The following MYLK3 variants were observed in gnomAD, a reference collection of about 807,000 sequenced individuals.
MYLK3 encodes the protein MLC kinase.
In MYLK3, 55 loss-of-function variants were observed where a neutral mutation model predicts 76.3. The ratio of observed to expected loss-of-function variants is 0.72; its 90% CI spans 0.58 to 0.90. The LOEUF (loss-of-function observed/expected upper bound fraction) is 0.90. Ranked by LOEUF, MYLK3 falls within the 40% of genes least tolerant of loss-of-function variation. The pLI, the probability that MYLK3 is intolerant of heterozygous loss-of-function variation, is 0.00. For missense variants in MYLK3, 973 were observed against 1,053.6 expected (o/e 0.92, Z 1.06); for synonymous variants, 416 against 425.4 (o/e 0.98, Z 0.27).
At chr16:46,726,733 GAAAA>G in intron 8 of MYLK3, 2 of 130,118 alleles carry the variant, frequency 1.5e-5, no homozygotes, top group East Asian at 2.5e-4. Context: ...AAGAAAGAAA[GAAAA>G]GAAAGAGAGA....
chr16:46,743,215 A>C (rs1255725754), intron 1 of MYLK3, among the ~76,000 whole-genome samples: 1 of 152,228 alleles, frequency 6.6e-6, no homozygotes, highest in African/African-American at 2.4e-5. Flanking sequence ...AACCAAATGA[A>C]GTGCTGCTGG....
intron 3 of MYLK3, among the ~76,000 whole-genome samples, chr16:46,734,060 T>TA (rs1168105387): frequency 6.6e-6 from 1 of 152,170 alleles, no homozygotes; most frequent in African/African-American, 2.4e-5. Context: ...CTTCTGGGTA[T>TA]ATATCCCAGA....
rs370327693 is a variant in MYLK3, at chr16:46,740,536, C to CATATAT, written c.478-395_478-390dup. 1.2e-3 allele frequency among the ~76,000 whole-genome samples: 109 copies of CATATAT among 93,622 alleles called. 3 individuals carry two copies. The highest frequency in any genetic ancestry group is 4.0e-3 in the East Asian group (12 of 2,986). 61.4% of individuals were successfully genotyped at this position (93,622 alleles called of 152,430 possible). A position where few individuals can be genotyped will look rare whatever the true frequency, so the allele number is the denominator to read the frequency against. On this transcript the variant is annotated intron_variant, in intron 1 of 12. Coordinates refer to ENST00000394809, the MANE Select transcript of MYLK3 (RefSeq NM_182493.3). Reference sequence around the variant, plus strand: ...ATACATAAATATATATATATACATACATATATATATATATATTTTTTTTTT... The same window carrying CATATAT: ...ATACATAAATATATATATATACATACATATATATATATATATATATATTTTTTTTTT...
At chr16:46,725,215 G>A (rs561143715) in intron 8 of MYLK3, among the ~76,000 whole-genome samples, 22 of 152,230 alleles carry the variant, frequency 1.4e-4, no homozygotes, top group Middle Eastern at 3.4e-3. Context: ...TTATATACAA[G>A]AGCGTGTCAT....
At position 46,705,181 on chromosome 16, in the gene MYLK3, T is replaced by G. The variant is rs1966612302; in HGVS notation, c.*2523A>C. Reference sequence around the variant, plus strand: ...GTTACAGGACAAAAATCCTGAAAGGTAGTGAAACTGTTGCATGTCTAATTA... The same window carrying G: ...GTTACAGGACAAAAATCCTGAAAGGGAGTGAAACTGTTGCATGTCTAATTA... On this transcript the variant is annotated 3_prime_UTR_variant, in exon 13 of 13. Transcript: ENST00000394809. 6.6e-6 allele frequency: 1 copy of G among 152,242 alleles called. No homozygotes were observed. Among genetic ancestry groups the G allele is most frequent in the Non-Finnish European group, 1.5e-5 (1 of 68,056 alleles). The allele number at this position is 152,242 out of a possible 1,614,324, so 9.4% of individuals were successfully genotyped here.
At chr16:46,729,838 G>A (rs1966848917) in intron 5 of MYLK3, 151 bp from the exon 6 acceptor site, 1 of 663,766 alleles carries the variant, frequency 1.5e-6, no homozygotes, top group Non-Finnish European at 2.6e-6. Flanking sequence ...AAACCCTGCT[G>A]GCTATCCCGA....
rs777838012 is a variant in MYLK3 at position 46,732,248 on chromosome 16, C to T, written c.1422G>A (p.Arg474=). 6.9e-6 allele frequency: 11 copies of T among 1,600,526 alleles called. No individual in the cohort carries two copies. The highest frequency in any genetic ancestry group is 9.3e-6 in the Non-Finnish European group (11 of 1,177,430). The change falls in exon 4 of 13, where the codon AGG becomes AGA. Residue 474 remains arginine, a synonymous_variant. Coordinates refer to ENST00000394809, the MANE Select transcript of MYLK3 (RefSeq NM_182493.3). ...CAGCCTCGGCGCCTGGGGGCATCCT[C>T]CTTACTGCTTCAGCTCTCACCGGAG... is the stretch of plus-strand genomic sequence containing the variant. ...ARAPVRAEAV[R]RMPPGAEAGS...
In MYLK3 at chr16:46,737,728, A is replaced by G. The variant is rs749530849; in HGVS notation, c.984T>C (p.Gly328=). The change falls in exon 3 of 13, where the codon GGT becomes GGC. Residue 328 remains glycine (G), a synonymous_variant. Coordinates refer to ENST00000394809, the MANE Select transcript of MYLK3 (RefSeq NM_182493.3). The part of the protein sequence containing the change: ...LPAQARATHS[G]GETPPRISIH... The stretch of plus-strand genomic sequence containing the variant: ...CCCCTTACCTTGGAGGTGTTTCTCC[A>G]CCACTGTGGGTTGCCCTGGCCTGGG... 6.3e-7 allele frequency: 1 copy of G among 1,599,964 alleles called. No homozygotes were observed. The highest frequency in any genetic ancestry group is 1.1e-5 in the South Asian group (1 of 90,660).
At chr16:46,710,608 GC>G in intron 11 of MYLK3, 28 bp downstream of exon 11, 1 of 1,613,268 alleles carries the variant, frequency 6.2e-7, no homozygotes, top group Non-Finnish European at 8.5e-7. Context: ...CATCAGAAGG[GC>G]CCATGAGTGA....
At chr16:46,720,826 C>T (rs777961671) in intron 9 of MYLK3, among the ~76,000 whole-genome samples, 6 of 152,188 alleles carry the variant, frequency 3.9e-5, no homozygotes, top group Non-Finnish European at 7.3e-5. Flanking sequence ...ACTAAGCAGC[C>T]CAGCACCTCG....
chr16:46,712,373 G>A (rs1207482925), intron 10 of MYLK3, among the ~76,000 whole-genome samples: 1 of 151,344 alleles, frequency 6.6e-6, no homozygotes, highest in Non-Finnish European at 1.5e-5. Flanking sequence ...TTTGTTCCAG[G>A]GAATAATATC....
At position 46,702,688 on chromosome 16, in the gene MYLK3, G is replaced by A. The variant is rs767107809; in HGVS notation, c.*5016C>T. Among the ~76,000 whole-genome samples the A allele has an allele frequency of 5.9e-5, 9 of 152,240 alleles. No individual in the cohort carries two copies. Among genetic ancestry groups the A allele is most frequent in the South Asian group, 2.1e-4 (1 of 4,818 alleles). ...TGTAATCCCAGCACTTTGGGAGGCC[G>A]AGGTGGGCAGATCACGAGGTCAAGA... On this transcript the variant is annotated 3_prime_UTR_variant, in exon 13 of 13. Transcript: ENST00000394809.
At chr16:46,731,717 G>A (rs1470501835) in intron 4 of MYLK3, among the ~76,000 whole-genome samples, 3 of 152,134 alleles carry the variant, frequency 2.0e-5, no homozygotes, top group South Asian at 2.1e-4. Context: ...TCATGTCTTC[G>A]CTTTTTAACA....
rs57671045 is a variant in MYLK3 at position 46,742,447 on chromosome 16, AACACACACACACACAC to A, written c.478-2316_478-2301del. On this transcript the variant is annotated intron_variant, in intron 1 of 12. Transcript: ENST00000394809. Reference sequence around the variant, plus strand: ...GACAGGCACCTGTAATCCCAGCAAAAACACACACACACACACACACACACACACACACACACACACA... The same window carrying A: ...GACAGGCACCTGTAATCCCAGCAAAAACACACACACACACACACACACACA... 3.2e-4 allele frequency among the ~76,000 whole-genome samples: 42 copies of A among 131,170 alleles called. 1 individual carries two copies. Among genetic ancestry groups the A allele is most frequent in the African/African-American group, 1.1e-3 (38 of 35,630 alleles). 86.1% of individuals were successfully genotyped at this position (131,170 alleles called of 152,430 possible).
Position 46,744,342 on chromosome 16 carries a change from T to TTC in MYLK3, c.477+3374_477+3375insGA, listed in dbSNP as rs1376060593. Among the ~76,000 whole-genome samples, 520 of 139,882 alleles carry TTC rather than the reference T, an allele frequency of 3.7e-3. 11 individuals carry two copies. The highest frequency in any genetic ancestry group is 0.013 in the African/African-American group (492 of 37,068). 91.8% of individuals were successfully genotyped at this position (139,882 alleles called of 152,430 possible). ...CCACCACACCCAGCTTTTTTTTTTT[T>TTC]TTTTTTTTTTTTTTAAGATGGTGTT... is the stretch of plus-strand genomic sequence containing the variant. On this transcript the variant is annotated intron_variant, in intron 1 of 12. Coordinates refer to ENST00000394809, the MANE Select transcript of MYLK3 (RefSeq NM_182493.3).
At chr16:46,746,767 C>T (rs1032415451) in intron 1 of MYLK3, among the ~76,000 whole-genome samples, 1 of 152,170 alleles carries the variant, frequency 6.6e-6, no homozygotes, top group African/African-American at 2.4e-5. Flanking sequence ...GGTCACACTG[C>T]CCTGCAGGCC....
At position 46,730,657 on chromosome 16, in the gene MYLK3, C is replaced by T; in HGVS notation, c.1504G>A (p.Val502Met). ...GAGATGGAGGTCTCCTTGACGCTCA[C>T]TACCCGGTGTTCAAAAGGAGCTGGT... is the stretch of plus-strand genomic sequence containing the variant. ...APPAPFEHRVVSVKETSISAG... is the reference protein window; with the variant it reads ...APPAPFEHRVMSVKETSISAG... The change falls in exon 5 of 13, where the codon GTG becomes ATG. Residue 502 changes from valine to methionine, a missense_variant. Around this residue, in one of 2 missense-constraint regions of MYLK3, gnomAD observed 332 missense variants for 416.6 expected, o/e 0.80. Transcript: ENST00000394809. The T allele has an allele frequency of 6.2e-7, 1 of 1,614,090 alleles. No individual in the cohort carries two copies. The highest frequency in any genetic ancestry group is 8.5e-7 in the Non-Finnish European group (1 of 1,180,030).
chr16:46,712,530 T>C (rs923013956), intron 10 of MYLK3, 118 bp downstream of exon 10: 1 of 938,718 alleles, frequency 1.1e-6, no homozygotes, highest in Non-Finnish European at 1.5e-6. Context: ...TCTATTGGGG[T>C]TTCCTGGGGT....
At chr16:46,712,363 T>C (rs2143012698) in intron 10 of MYLK3, among the ~76,000 whole-genome samples, 1 of 151,970 alleles carries the variant, frequency 6.6e-6, no homozygotes, top group East Asian at 1.9e-4. Context: ...CCTTTAGACC[T>C]TTGTTCCAGG....
Sources: gnomAD v4.1 joint callset for allele counts (sites outside exome capture counted in the v4.1 genomes callset) on GRCh38, gnomAD v4.1.1 for gene constraint, gnomAD v4.1.1 regional missense constraint, MANE v1.5 for transcripts, NCBI Gene and HGNC (gene_info 2026-07-23, HGNC 2026-07-21) for gene names.